KIAA1671: variants seen among roughly 807,000 people sequenced by gnomAD.
KIAA1671 encodes the protein uncharacterized protein KIAA1671.
Under a neutral mutation model 131.2 loss-of-function variants are expected in KIAA1671, and 52 were observed. That is an observed-to-expected ratio of 0.40 (90% CI 0.32 to 0.50). KIAA1671 has a LOEUF of 0.50. Ranked by LOEUF, KIAA1671 falls within the 20% of genes least tolerant of loss-of-function variation. KIAA1671 has a pLI of 0.73. For synonymous variants in KIAA1671, 1,003 were observed against 961.6 expected (o/e 1.04, Z -0.80); for missense variants, 2,360 against 2,364.2 (o/e 1.00, Z 0.04).
intron 6 of KIAA1671, among the ~76,000 whole-genome samples, chr22:25,141,317 C>T (rs575688073): frequency 3.9e-5 from 6 of 152,228 alleles, no homozygotes; most frequent in African/African-American, 1.4e-4. Flanking sequence ...ACTGAAAGCT[C>T]TGCCTCCTGG....
intron 1 of KIAA1671, among the ~76,000 whole-genome samples, chr22:25,000,111 C>T (rs1469895517): frequency 2.0e-5 from 3 of 150,738 alleles, no homozygotes; most frequent in African/African-American, 7.4e-5. Flanking sequence ...TGTCGATCTC[C>T]TGACCTCGTG....
At chr22:25,154,518 G>T (rs935708252) in intron 6 of KIAA1671, among the ~76,000 whole-genome samples, 4 of 152,208 alleles carry the variant, frequency 2.6e-5, no homozygotes, top group Non-Finnish European at 5.9e-5. Flanking sequence ...GGGAAATGGG[G>T]TGGGTGGAGC....
intron 6 of KIAA1671, among the ~76,000 whole-genome samples, chr22:25,124,210 C>T (rs1932073392): frequency 6.6e-6 from 1 of 152,130 alleles, no homozygotes. Flanking sequence ...CTTAACTCAT[C>T]AAACATTCAT....
chr22:25,080,282 C>G (rs943190636), intron 6 of KIAA1671, among the ~76,000 whole-genome samples: 3 of 152,118 alleles, frequency 2.0e-5, no homozygotes, highest in African/African-American at 7.2e-5. Flanking sequence ...ATGCCCTGCC[C>G]ATGCCTAAGA....
At chr22:25,179,378 C>T in intron 9 of KIAA1671, 2 of 1,606,538 alleles carry the variant, frequency 1.2e-6, no homozygotes, top group Non-Finnish European at 1.7e-6. Context: ...CCTCGCGCAG[C>T]CGCTCGCGCA....
At chr22:24,995,091 C>A (rs369687697) in intron 1 of KIAA1671, among the ~76,000 whole-genome samples, 24 of 151,530 alleles carry the variant, frequency 1.6e-4, no homozygotes, top group African/African-American at 4.6e-4. Flanking sequence ...CGCTCTCTCA[C>A]CCAGGCTGGA....
intron 6 of KIAA1671, among the ~76,000 whole-genome samples, chr22:25,077,754 C>G (rs1308715917): frequency 1.3e-5 from 2 of 152,166 alleles, no homozygotes; most frequent in Admixed American, 1.3e-4. Flanking sequence ...CTTCATGTCC[C>G]CACGTTTGAC....
At chr22:25,033,593 T>TTTTTTTC (rs1926420392) in intron 4 of KIAA1671, among the ~76,000 whole-genome samples, 1 of 137,404 alleles carries the variant, frequency 7.3e-6, no homozygotes, top group African/African-American at 2.8e-5. Flanking sequence ...TTTTTTTTTT[T>TTTTTTTC]TTTTTGATGG....
chr22:25,082,839 G>T (rs1265076827), intron 6 of KIAA1671, among the ~76,000 whole-genome samples: 1 of 151,860 alleles, frequency 6.6e-6, no homozygotes, highest in African/African-American at 2.4e-5. Context: ...TCTCTCTAAA[G>T]AACAAAAAAA....
In KIAA1671 at chr22:25,027,926, G is replaced by T; in HGVS notation, c.-55-19G>T. The T allele has an allele frequency of 8.5e-7, 1 of 1,170,976 alleles. No individual in the cohort carries two copies. Among genetic ancestry groups the T allele is most frequent in the Non-Finnish European group, 1.2e-6 (1 of 846,330 alleles). The allele number at this position is 1,170,976 out of a possible 1,614,324, so 72.5% of individuals were successfully genotyped here. A position where few individuals can be genotyped will look rare whatever the true frequency, so the allele number is the denominator to read the frequency against. On this transcript the variant is annotated intron_variant, in intron 2 of 12. Transcript: ENST00000358431. ...GACTGTTTTCCAAATTTACTTGTTT[G>T]TTTGTTTTGTTTGTTTAGCAATTGC...
At chr22:25,012,074 G>C (rs1925070459) in intron 1 of KIAA1671, 1 of 152,184 alleles carries the variant, frequency 6.6e-6, no homozygotes, top group South Asian at 2.1e-4. Context: ...GAGAAAGCAA[G>C]TCTCTGGCTT....
At position 25,116,382 on chromosome 22, in the gene KIAA1671, AGTATGTAT is replaced by A. The variant is rs139621283; in HGVS notation, c.4531-54394_4531-54387del. On this transcript the variant is annotated intron_variant, in intron 6 of 12. Coordinates refer to ENST00000358431, the MANE Select transcript of KIAA1671 (RefSeq NM_001145206.2). ...GCCACTGTACCCCACCCCCTCCACCAGTATGTATGTATGTATGTATGTATGTATGTATG... is the reference window on the plus strand; with the variant it reads ...GCCACTGTACCCCACCCCCTCCACCAGTATGTATGTATGTATGTATGTATG... 2.2e-3 allele frequency among the ~76,000 whole-genome samples: 304 copies of A among 139,104 alleles called. 2 individuals are homozygous for A. The highest frequency in any genetic ancestry group is 3.1e-3 in the African/African-American group (110 of 35,966). The allele number at this position is 139,104 out of a possible 152,430, so 91.3% of individuals were successfully genotyped here.
At chr22:25,074,513 A>G (rs1035438817) in intron 6 of KIAA1671, among the ~76,000 whole-genome samples, 2 of 147,592 alleles carry the variant, frequency 1.4e-5, no homozygotes, top group Non-Finnish European at 3.0e-5. Context: ...AAAAAAAAAA[A>G]AAAAGAAAGA....
chr22:24,986,377 A>T (rs1259110660), intron 1 of KIAA1671, among the ~76,000 whole-genome samples: 1 of 152,158 alleles, frequency 6.6e-6, no homozygotes, highest in Non-Finnish European at 1.5e-5. Context: ...TGTAACCTAT[A>T]CATATCCTCC....
intron 1 of KIAA1671, among the ~76,000 whole-genome samples, chr22:24,986,162 G>C (rs1923520108): frequency 6.6e-6 from 1 of 152,168 alleles, no homozygotes; most frequent in Admixed American, 6.5e-5. Flanking sequence ...CGCTCTTGGA[G>C]AGGTGCCTGC....
chr22:25,164,596 G>A (rs1191599276), intron 6 of KIAA1671, among the ~76,000 whole-genome samples: 1 of 152,200 alleles, frequency 6.6e-6, no homozygotes, highest in Non-Finnish European at 1.5e-5. Flanking sequence ...AGCCTGTGAA[G>A]CAAAAGAGTT....
At chr22:25,014,855 T>C (rs546320208) in intron 1 of KIAA1671, 2 of 152,178 alleles carry the variant, frequency 1.3e-5, no homozygotes, top group Non-Finnish European at 2.9e-5. Flanking sequence ...CATCACACCC[T>C]TGGGGGAAGT....
chr22:25,037,513 G>C (rs1274557525), intron 4 of KIAA1671, among the ~76,000 whole-genome samples: 1 of 152,036 alleles, frequency 6.6e-6, no homozygotes, highest in Non-Finnish European at 1.5e-5. Flanking sequence ...TTAGCAAACT[G>C]TGCCCCTGGC....
chr22:25,177,212 G>A (rs1934063060), intron 8 of KIAA1671, 136 bp from the exon 9 acceptor site: 2 of 786,138 alleles, frequency 2.5e-6, no homozygotes, highest in Non-Finnish European at 4.0e-6. Flanking sequence ...CTATTAAAAT[G>A]TGGAAGCCCT....
Sources: allele counts gnomAD v4.1 joint callset (sites outside exome capture counted in the v4.1 genomes callset), GRCh38; gene constraint gnomAD v4.1.1; transcripts MANE v1.5; gene names NCBI Gene and HGNC (gene_info 2026-07-23, HGNC 2026-07-21).